Variants in ZNF704 observed in about 807,000 individuals in gnomAD.
ZNF704 encodes zinc finger protein 704.
In ZNF704, 10 loss-of-function variants were observed where a neutral mutation model predicts 44.7. The ratio of observed to expected loss-of-function variants is 0.22; its 90% CI spans 0.14 to 0.38. ZNF704 has a LOEUF of 0.38. Ranked by LOEUF, ZNF704 falls within the 10% of genes least tolerant of loss-of-function variation. The probability of loss-of-function intolerance (pLI) is 1.00; values close to 1 mark genes in which losing one functional copy is unlikely to be tolerated. For synonymous variants in ZNF704, 211 were observed against 207.6 expected, an observed-to-expected ratio of 1.02 and a Z score of -0.14; for missense variants, 390 against 545.5, an observed-to-expected ratio of 0.71 and a Z score of 2.84.
chr8:80,629,478 C>CAGAAATGG lies in ZNF704; in HGVS notation c.*11880_*11887dup, dbSNP rs1817550846. 6.6e-6 allele frequency: 1 copy of CAGAAATGG among 152,118 alleles called. No individual in the cohort carries two copies. The highest frequency in any genetic ancestry group is 2.4e-5 in the African/African-American group (1 of 41,416). 9.4% of individuals were successfully genotyped at this position (152,118 alleles called of 1,614,324 possible). On this transcript the variant is annotated 3_prime_UTR_variant, in exon 9 of 9. Transcript: ENST00000327835. ...TGGACACTGAAGAGAACCAGAATGA[C>CAGAAATGG]AGAAATGGAGTTCTTTATTTCCACA...
intron 2 of ZNF704, among the ~76,000 whole-genome samples, chr8:80,810,913 C>A (rs1317218570): frequency 6.6e-6 from 1 of 152,172 alleles, no homozygotes; most frequent in Non-Finnish European, 1.5e-5. Context: ...TCCTCCCCGC[C>A]ACCCCAACCC....
intron 1 of ZNF704, among the ~76,000 whole-genome samples, chr8:80,848,267 A>T (rs1056071577): frequency 3.9e-5 from 6 of 152,226 alleles, no homozygotes; most frequent in African/African-American, 1.2e-4. Context: ...CTGTGGCTAT[A>T]TAAGGGCAAC....
At chr8:80,648,804 G>A (rs1293203932) in intron 7 of ZNF704, among the ~76,000 whole-genome samples, 6 of 152,134 alleles carry the variant, frequency 3.9e-5, no homozygotes, top group African/African-American at 1.4e-4. Context: ...GAAGTTAAGT[G>A]CACTGTCCAG....
chr8:80,812,343 C>A, intron 2 of ZNF704: 1 of 188,708 alleles, frequency 5.3e-6, no homozygotes, highest in South Asian at 1.3e-4. Flanking sequence ...AGTGTCATAC[C>A]ACATCTCTCC....
rs534846068 is a variant in ZNF704 at position 80,868,045 on chromosome 8, C to T, written c.-22+6526G>A. On this transcript the variant is annotated intron_variant, in intron 1 of 8. Transcript: ENST00000327835. ...TTGCACAGGATTGCAGAGCACAGCC[C>T]TGTGCTTGTTATCTCAGCCTCGCTA... Among the ~76,000 whole-genome samples the T allele has an allele frequency of 5.3e-5, 8 of 152,314 alleles. No homozygotes were observed. In the South Asian group the frequency reaches 1.7e-3, roughly 32 times the overall value.
At chr8:80,832,553 C>G (rs1053586135) in intron 1 of ZNF704, among the ~76,000 whole-genome samples, 1 of 152,174 alleles carries the variant, frequency 6.6e-6, no homozygotes, top group African/African-American at 2.4e-5. Context: ...TCCTCAGTTA[C>G]TCATCTCAAC....
At chr8:80,674,895 G>A (rs373034337) in intron 4 of ZNF704, among the ~76,000 whole-genome samples, 10 of 152,148 alleles carry the variant, frequency 6.6e-5, no homozygotes, top group Non-Finnish European at 1.2e-4. Flanking sequence ...AAAAATACAC[G>A]TACCCAACAG....
At position 80,629,467 on chromosome 8, in the gene ZNF704, A is replaced by G. The variant is rs1817550713; in HGVS notation, c.*11899T>C. 6.6e-6 allele frequency: 1 copy of G among 152,192 alleles called. No individual in the cohort carries two copies. Among genetic ancestry groups the G allele is most frequent in the Non-Finnish European group, 1.5e-5 (1 of 68,044 alleles). 9.4% of individuals were successfully genotyped at this position (152,192 alleles called of 1,614,324 possible). On this transcript the variant is annotated 3_prime_UTR_variant, in exon 9 of 9. Coordinates refer to ENST00000327835, the MANE Select transcript of ZNF704 (RefSeq NM_001033723.3). ...AACTTTCTCAATGGACACTGAAGAGAACCAGAATGACAGAAATGGAGTTCT... is the reference window on the plus strand; with the variant it reads ...AACTTTCTCAATGGACACTGAAGAGGACCAGAATGACAGAAATGGAGTTCT...
At chr8:80,705,439 T>C (rs938566282) in intron 2 of ZNF704, among the ~76,000 whole-genome samples, 2 of 151,786 alleles carry the variant, frequency 1.3e-5, no homozygotes, top group East Asian at 3.9e-4. Flanking sequence ...TGTGGGTTGA[T>C]GTCCTGGGTG....
At chr8:80,872,879 G>A (rs1004897766) in intron 1 of ZNF704, among the ~76,000 whole-genome samples, 2 of 151,904 alleles carry the variant, frequency 1.3e-5, no homozygotes, top group Non-Finnish European at 2.9e-5. Context: ...ATTTTGAGGA[G>A]GGAAAAAAAC....
intron 3 of ZNF704, among the ~76,000 whole-genome samples, chr8:80,688,727 T>C (rs975733451): frequency 6.6e-6 from 1 of 152,192 alleles, no homozygotes; most frequent in Non-Finnish European, 1.5e-5. Context: ...TTTGCTAATG[T>C]GGAGAGATTT....
chr8:80,758,833 C>T (rs60590217), intron 2 of ZNF704, among the ~76,000 whole-genome samples: 7,057 of 152,190 alleles, frequency 0.046, 580 homozygotes, highest in African/African-American at 0.16. Context: ...ATGAATTACA[C>T]AGAAAATAAT....
At chr8:80,702,978 G>A (rs1818835703) in intron 2 of ZNF704, among the ~76,000 whole-genome samples, 1 of 152,114 alleles carries the variant, frequency 6.6e-6, no homozygotes. Context: ...AAGCCTTCAA[G>A]CAGCAGGGCT....
intron 2 of ZNF704, among the ~76,000 whole-genome samples, chr8:80,737,370 G>A (rs938915038): frequency 2.0e-5 from 3 of 152,212 alleles, no homozygotes; most frequent in Non-Finnish European, 4.4e-5. Flanking sequence ...TGACATGACT[G>A]TTGCTAGGAG....
intron 2 of ZNF704, among the ~76,000 whole-genome samples, chr8:80,756,503 C>T (rs1196054940): frequency 6.6e-6 from 1 of 152,130 alleles, no homozygotes; most frequent in Non-Finnish European, 1.5e-5. Context: ...TGAAGAGGTT[C>T]ATATACTGCC....
chr8:80,697,458 G>A (rs1818744134), intron 2 of ZNF704, among the ~76,000 whole-genome samples: 1 of 152,202 alleles, frequency 6.6e-6, no homozygotes, highest in Non-Finnish European at 1.5e-5. Flanking sequence ...TATTCAGTCT[G>A]TGAGTACGGA....
rs137960465 is a variant in ZNF704 at position 80,779,329 on chromosome 8, C to T, written c.221+42045G>A. Among the ~76,000 whole-genome samples, 822 of 152,292 alleles carry T rather than the reference C, an allele frequency of 5.4e-3. 9 individuals carry two copies. The highest frequency in any genetic ancestry group is 0.019 in the African/African-American group (792 of 41,574). ...CGATCTTGGCTCACTGCAACCCCTG[C>T]CTCCCAGGTTTAAGTGATTCTCTTG... On this transcript the variant is annotated intron_variant, in intron 2 of 8. Transcript: ENST00000327835.
intron 2 of ZNF704, among the ~76,000 whole-genome samples, chr8:80,773,607 T>A (rs1025491257): frequency 2.0e-5 from 3 of 152,226 alleles, no homozygotes; most frequent in African/African-American, 7.2e-5. Flanking sequence ...TATTTTAGGG[T>A]AGGTCTGATG....
At chr8:80,833,993 G>A (rs1470135480) in intron 1 of ZNF704, among the ~76,000 whole-genome samples, 1 of 152,150 alleles carries the variant, frequency 6.6e-6, no homozygotes, top group East Asian at 1.9e-4. Context: ...TAATGTCAGA[G>A]GTCCTATCTA....
Sources: allele counts gnomAD v4.1 joint callset (sites outside exome capture counted in the v4.1 genomes callset), GRCh38; gene constraint gnomAD v4.1.1; transcripts MANE v1.5; gene names NCBI Gene and HGNC (gene_info 2026-07-23, HGNC 2026-07-21).